Variants in RAB7A observed in about 807,000 individuals in gnomAD.
The protein encoded by RAB7A is RAB7A, member RAS oncogene family, also known as ras-related protein Rab-7a.
Under a neutral mutation model 24.5 loss-of-function variants are expected in RAB7A, and 2 were observed. The ratio of observed to expected loss-of-function variants is 0.08; its 90% CI spans 0.03 to 0.26. The LOEUF (loss-of-function observed/expected upper bound fraction) is 0.26. RAB7A is among the 10% of genes least tolerant of loss of function. The pLI, the probability that RAB7A is intolerant of heterozygous loss-of-function variation, is 1.00. For missense variants in RAB7A, 118 were observed against 255.7 expected, an observed-to-expected ratio of 0.46 and a Z score of 3.67; for synonymous variants, 100 against 95.9, an observed-to-expected ratio of 1.04 and a Z score of -0.25.
intron 1 of RAB7A, among the ~76,000 whole-genome samples, chr3:128,776,781 CA>C: frequency 6.6e-6 from 1 of 152,232 alleles, no homozygotes; most frequent in African/African-American, 2.4e-5. Context: ...TACTGTTTTC[CA>C]TAATGGCTGT....
intron 1 of RAB7A, among the ~76,000 whole-genome samples, chr3:128,761,257 C>G (rs577391847): frequency 6.6e-6 from 1 of 152,256 alleles, no homozygotes; most frequent in African/African-American, 2.4e-5. Flanking sequence ...GGGTTAGATT[C>G]CTGATCACCT....
intron 2 of RAB7A, among the ~76,000 whole-genome samples, chr3:128,796,743 G>C (rs1309792788): frequency 6.6e-6 from 1 of 152,042 alleles, no homozygotes; most frequent in Non-Finnish European, 1.5e-5. Flanking sequence ...GCTCACTGCA[G>C]CCTCAACCTC....
At chr3:128,806,268 G>T in intron 3 of RAB7A, 104 bp from the exon 4 acceptor site, 1 of 990,886 alleles carries the variant, frequency 1.0e-6, no homozygotes. Flanking sequence ...TGTCTTTGTG[G>T]GTGGCCCCAC....
chr3:128,809,315 C>T (rs1217128899), intron 5 of RAB7A, among the ~76,000 whole-genome samples: 4 of 152,226 alleles, frequency 2.6e-5, no homozygotes, highest in African/African-American at 9.6e-5. Context: ...TTGCTTTCTT[C>T]TACCTCCTTG....
intron 1 of RAB7A, among the ~76,000 whole-genome samples, chr3:128,731,665 C>T (rs1191986516): frequency 3.9e-5 from 6 of 152,070 alleles, no homozygotes; most frequent in African/African-American, 4.8e-5. Flanking sequence ...TCCTGCCTTT[C>T]CATTATATGC....
chr3:128,812,050 T>A (rs1294626949), intron 5 of RAB7A, among the ~76,000 whole-genome samples: 2 of 150,386 alleles, frequency 1.3e-5, no homozygotes, highest in Non-Finnish European at 3.0e-5. Flanking sequence ...TTTTGGGGGG[T>A]GATGAGAGTA....
intron 1 of RAB7A, chr3:128,764,779 T>A: frequency 1.2e-6 from 1 of 832,888 alleles, no homozygotes; most frequent in Non-Finnish European, 2.1e-6. Context: ...AAGGAAGATT[T>A]GGCCACCACG....
intron 1 of RAB7A, among the ~76,000 whole-genome samples, chr3:128,779,472 T>G (rs1484803144): frequency 6.6e-6 from 1 of 151,632 alleles, no homozygotes; most frequent in Non-Finnish European, 1.5e-5. Context: ...GTTCTACAGC[T>G]GGCCTCACCA....
chr3:128,794,969 T>C (rs1201705583), intron 1 of RAB7A, among the ~76,000 whole-genome samples: 1 of 152,100 alleles, frequency 6.6e-6, no homozygotes, highest in Non-Finnish European at 1.5e-5. Flanking sequence ...TGAGGGGTTA[T>C]GCTGCTTTAA....
At chr3:128,754,620 C>T (rs2070714047) in intron 1 of RAB7A, among the ~76,000 whole-genome samples, 1 of 152,056 alleles carries the variant, frequency 6.6e-6, no homozygotes, top group Admixed American at 6.6e-5. Context: ...GACAGATTGG[C>T]AGAATGGATA....
Position 128,742,221 on chromosome 3 carries a change from T to TC in RAB7A, c.-9+15868dup, listed in dbSNP as rs527814654. On this transcript the variant is annotated intron_variant, in intron 1 of 5. Coordinates refer to ENST00000265062, the MANE Select transcript of RAB7A (RefSeq NM_004637.6). ...GTTCCTCCCGTCTAGAGTTGTTTAT[T>TC]CCCCCCGGTGGGTTCGTGATCTCGC... Among the ~76,000 whole-genome samples the TC allele has an allele frequency of 3.3e-4, 50 of 152,122 alleles. 1 individual carries two copies. The South Asian group carries it at 0.01, about 31-fold the overall frequency.
At chr3:128,769,915 G>A (rs1436172135) in intron 1 of RAB7A, among the ~76,000 whole-genome samples, 1 of 152,096 alleles carries the variant, frequency 6.6e-6, no homozygotes, top group Non-Finnish European at 1.5e-5. Flanking sequence ...TCCTTATCAT[G>A]CCTGCTAAAA....
chr3:128,813,470 A>G lies in RAB7A; in HGVS notation c.*48A>G, dbSNP rs767242981. 1.3e-6 allele frequency: 2 copies of G among 1,521,810 alleles called. No individual in the cohort carries two copies. The highest frequency in any genetic ancestry group is 2.2e-5 in the South Asian group (2 of 89,174). The allele number at this position is 1,521,810 out of a possible 1,614,324, so 94.3% of individuals were successfully genotyped here. A position where few individuals can be genotyped will look rare whatever the true frequency, so the allele number is the denominator to read the frequency against. On this transcript the variant is annotated 3_prime_UTR_variant, in exon 6 of 6. Transcript: ENST00000265062. ...AGAGTCCTTCACAAACCAAGAACAC[A>G]CGTAGGCCTTCAACACAATTCCCCT...
chr3:128,773,529 C>T (rs9877767), intron 1 of RAB7A, among the ~76,000 whole-genome samples: 8,060 of 151,674 alleles, frequency 0.053, 625 homozygotes, highest in African/African-American at 0.17. Flanking sequence ...CACCTCTGCC[C>T]GGCCGCCCCT....
intron 1 of RAB7A, among the ~76,000 whole-genome samples, chr3:128,742,674 G>A (rs1370019358): frequency 3.9e-5 from 6 of 151,948 alleles, no homozygotes; most frequent in Admixed American, 3.3e-4. Flanking sequence ...TGATTGGTGC[G>A]TTTACAAACC....
chr3:128,729,367 G>A (rs1483488854), intron 1 of RAB7A, among the ~76,000 whole-genome samples: 3 of 152,050 alleles, frequency 2.0e-5, no homozygotes, highest in African/African-American at 7.2e-5. Context: ...TCAGGAGATC[G>A]AGACCATCCT....
At chr3:128,807,501 G>A in intron 4 of RAB7A, 42 bp from the exon 5 acceptor site, 7 of 1,612,880 alleles carry the variant, frequency 4.3e-6, no homozygotes, top group Non-Finnish European at 5.9e-6. Flanking sequence ...AGTGCTGGCT[G>A]CTTCTGTCAT....
chr3:128,768,969 CTTTTTT>C (rs35457218), intron 1 of RAB7A, among the ~76,000 whole-genome samples: 46 of 72,618 alleles, frequency 6.3e-4, no homozygotes, highest in African/African-American at 2.7e-3. Context: ...TCTTTCTTTC[CTTTTTT>C]TTTTTTTTTT....
chr3:128,786,454 C>T (rs1281780020), intron 1 of RAB7A, among the ~76,000 whole-genome samples: 1 of 152,180 alleles, frequency 6.6e-6, no homozygotes, highest in African/African-American at 2.4e-5. Context: ...CTACTTCACT[C>T]TGAGCCTTGA....
Sources: gnomAD v4.1 joint callset for allele counts (sites outside exome capture counted in the v4.1 genomes callset) on GRCh38, gnomAD v4.1.1 for gene constraint, MANE v1.5 for transcripts, NCBI Gene and HGNC (gene_info 2026-07-23, HGNC 2026-07-21) for gene names.